Variants in MACROD2 observed in about 807,000 individuals in gnomAD.
The protein encoded by MACROD2 is ADP-ribose glycohydrolase MACROD2.
In MACROD2, 36 loss-of-function variants were observed where a neutral mutation model predicts 70.4. That is an observed-to-expected ratio of 0.51 (90% CI 0.39 to 0.68). The LOEUF (loss-of-function observed/expected upper bound fraction) is 0.68, where lower values mean the gene tolerates loss of function less well. Ranked by LOEUF, MACROD2 falls within the 30% of genes least tolerant of loss-of-function variation. MACROD2 has a pLI of 0.00. For synonymous variants in MACROD2, 172 were observed against 178.8 expected (o/e 0.96, Z 0.30); for missense variants, 496 against 538.4 (o/e 0.92, Z 0.78).
intron 3 of MACROD2, among the ~76,000 whole-genome samples, chr20:14,284,422 A>G (rs2082328815): frequency 6.6e-6 from 1 of 152,214 alleles, no homozygotes; most frequent in African/African-American, 2.4e-5. Context: ...GAAACAGCAA[A>G]TTACCTTAGT....
At chr20:15,090,953 A>G (rs6110513) in intron 5 of MACROD2, among the ~76,000 whole-genome samples, 1 of 151,692 alleles carries the variant, frequency 6.6e-6, no homozygotes, top group African/African-American at 2.4e-5. Flanking sequence ...TCTCTAATCA[A>G]TGGAGTCCAC....
At chr20:14,861,997 A>T (rs1195712562) in intron 5 of MACROD2, among the ~76,000 whole-genome samples, 2 of 51,372 alleles carry the variant, frequency 3.9e-5, no homozygotes, top group African/African-American at 1.7e-4. Flanking sequence ...ATATATTTAT[A>T]TATATATTTA....
chr20:15,961,192 A>C (rs1240008228), intron 12 of MACROD2, among the ~76,000 whole-genome samples: 1 of 152,182 alleles, frequency 6.6e-6, no homozygotes, highest in Non-Finnish European at 1.5e-5. Context: ...AAGTAAGCAC[A>C]TGGGGGAATG....
chr20:14,180,537 T>A (rs959243686), intron 3 of MACROD2, among the ~76,000 whole-genome samples: 1 of 152,204 alleles, frequency 6.6e-6, no homozygotes, highest in Non-Finnish European at 1.5e-5. Context: ...TAAAAACTTA[T>A]ACGAATTTTT....
chr20:15,195,247 A>G (rs1487873060), intron 5 of MACROD2, among the ~76,000 whole-genome samples: 1 of 152,208 alleles, frequency 6.6e-6, no homozygotes, highest in Non-Finnish European at 1.5e-5. Context: ...GTCTAAGTAA[A>G]CTAAAGAGCT....
intron 3 of MACROD2, among the ~76,000 whole-genome samples, chr20:14,235,978 G>C (rs566318308): frequency 4.5e-4 from 69 of 152,176 alleles, no homozygotes; most frequent in African/African-American, 1.6e-3. Context: ...CTAGTTGCCA[G>C]TTAACCCACT....
At chr20:14,965,463 T>C (rs913097166) in intron 5 of MACROD2, among the ~76,000 whole-genome samples, 6 of 129,654 alleles carry the variant, frequency 4.6e-5, no homozygotes, top group South Asian at 2.8e-4. Flanking sequence ...CTTTTTTTTT[T>C]TTTTTTTTTT....
intron 6 of MACROD2, among the ~76,000 whole-genome samples, chr20:15,399,676 T>C (rs1205792583): frequency 1.3e-5 from 2 of 152,184 alleles, no homozygotes; most frequent in Non-Finnish European, 2.9e-5. Flanking sequence ...AAAGAAAGAG[T>C]ATTAGTAGTC....
At chr20:15,019,077 G>A (rs777727765) in intron 5 of MACROD2, among the ~76,000 whole-genome samples, 3 of 152,136 alleles carry the variant, frequency 2.0e-5, no homozygotes, top group Non-Finnish European at 2.9e-5. Context: ...TAATACAGAC[G>A]CCTTGCTAGG....
chr20:14,940,123 C>A (rs1600851918), intron 5 of MACROD2, among the ~76,000 whole-genome samples: 1 of 87,236 alleles, frequency 1.1e-5, no homozygotes, highest in African/African-American at 4.2e-5. Context: ...GGAGCCTGGG[C>A]AACATATGGA....
intron 3 of MACROD2, among the ~76,000 whole-genome samples, chr20:14,227,697 T>A (rs1412974763): frequency 6.6e-6 from 1 of 152,236 alleles, no homozygotes; most frequent in Non-Finnish European, 1.5e-5. Context: ...CAATTCCGGA[T>A]ACACTGGGAT....
chr20:15,729,609 G>A (rs1354017827), intron 8 of MACROD2, among the ~76,000 whole-genome samples: 1 of 152,110 alleles, frequency 6.6e-6, no homozygotes, highest in East Asian at 1.9e-4. Context: ...AGGTATTCTA[G>A]TTGAACTGAT....
At chr20:16,023,473 CAAAAAAA>C (rs60347463) in intron 15 of MACROD2, among the ~76,000 whole-genome samples, 3 of 71,448 alleles carry the variant, frequency 4.2e-5, no homozygotes, top group Non-Finnish European at 7.7e-5. Context: ...GACTCCATCT[CAAAAAAA>C]AAAAAAAAAA....
chr20:14,635,652 A>T (rs946763574), intron 4 of MACROD2, among the ~76,000 whole-genome samples: 5 of 152,166 alleles, frequency 3.3e-5, no homozygotes, highest in Admixed American at 3.3e-4. Context: ...ACAAGACCTT[A>T]TTTCCATATT....
At chr20:14,020,325 T>C (rs2053057593) in intron 2 of MACROD2, among the ~76,000 whole-genome samples, 1 of 151,868 alleles carries the variant, frequency 6.6e-6, no homozygotes, top group South Asian at 2.1e-4. Flanking sequence ...ATACAGAAAT[T>C]AGCCAGTCGT....
chr20:15,254,752 C>G (rs1387938961), intron 6 of MACROD2, among the ~76,000 whole-genome samples: 3 of 151,954 alleles, frequency 2.0e-5, no homozygotes, highest in Non-Finnish European at 4.4e-5. Context: ...TGTCTTTTAA[C>G]AAAGAAACAG....
At chr20:15,209,069 G>T (rs1376469005) in intron 5 of MACROD2, among the ~76,000 whole-genome samples, 1 of 151,862 alleles carries the variant, frequency 6.6e-6, no homozygotes, top group Non-Finnish European at 1.5e-5. Context: ...TTTCTGTTTT[G>T]TTAGGTCATC....
intron 5 of MACROD2, among the ~76,000 whole-genome samples, chr20:15,114,129 C>T (rs1290484328): frequency 6.6e-6 from 1 of 152,186 alleles, no homozygotes; most frequent in Admixed American, 6.5e-5. Flanking sequence ...GAATGTGCAT[C>T]TTCCTCAGGA....
At chr20:15,133,369 A>G (rs1380081425) in intron 5 of MACROD2, among the ~76,000 whole-genome samples, 1 of 152,172 alleles carries the variant, frequency 6.6e-6, no homozygotes, top group Non-Finnish European at 1.5e-5. Flanking sequence ...AAATATGAAC[A>G]GTTCATTTGT....
Sources: gnomAD v4.1 joint callset for allele counts (sites outside exome capture counted in the v4.1 genomes callset) on GRCh38, gnomAD v4.1.1 for gene constraint, MANE v1.5 for transcripts, NCBI Gene and HGNC (gene_info 2026-07-23, HGNC 2026-07-21) for gene names.